Variants in PITPNM2 observed in about 807,000 individuals in gnomAD.
The protein encoded by PITPNM2 is membrane-associated phosphatidylinositol transfer protein 2.
Under a neutral mutation model 132.2 loss-of-function variants are expected in PITPNM2, and 35 were observed. The ratio of observed to expected loss-of-function variants is 0.26; its 90% CI spans 0.20 to 0.35. The LOEUF (loss-of-function observed/expected upper bound fraction) is 0.35, where lower values mean the gene tolerates loss of function less well. Ranked by LOEUF, PITPNM2 falls within the 10% of genes least tolerant of loss-of-function variation. The pLI is 1.00. For missense variants in PITPNM2, 1,332 were observed against 1,912.0 expected (o/e 0.70, Z 5.66); for synonymous variants, 738 against 799.2 (o/e 0.92, Z 1.29).
At chr12:123,024,365 G>A (rs2039778940) in intron 3 of PITPNM2, among the ~76,000 whole-genome samples, 1 of 152,110 alleles carries the variant, frequency 6.6e-6, no homozygotes, top group Non-Finnish European at 1.5e-5. Flanking sequence ...ACAGTTTGGC[G>A]GTTCCTCAAA....
intron 1 of PITPNM2, among the ~76,000 whole-genome samples, chr12:123,122,938 A>T (rs1266039250): frequency 1.3e-5 from 2 of 152,240 alleles, no homozygotes; most frequent in Non-Finnish European, 2.9e-5. Flanking sequence ...GTGGGAGTGT[A>T]AATTGGTACT....
intron 3 of PITPNM2, among the ~76,000 whole-genome samples, chr12:123,028,479 G>A (rs1314786916): frequency 6.6e-6 from 1 of 152,210 alleles, no homozygotes; most frequent in Non-Finnish European, 1.5e-5. Context: ...TCCATCTTGG[G>A]AGGCCAGTGC....
At chr12:123,069,121 AT>A (rs758263418) in intron 2 of PITPNM2, among the ~76,000 whole-genome samples, 5 of 151,788 alleles carry the variant, frequency 3.3e-5, no homozygotes, top group Admixed American at 1.3e-4. Flanking sequence ...GAAGTGGTGG[AT>A]TGTGCCTGTA....
At chr12:123,006,964 A>G (rs1282787759) in intron 6 of PITPNM2, among the ~76,000 whole-genome samples, 1 of 152,150 alleles carries the variant, frequency 6.6e-6, no homozygotes, top group African/African-American at 2.4e-5. Context: ...CTGTTTAAAA[A>G]ACATTAAAAA....
intron 2 of PITPNM2, among the ~76,000 whole-genome samples, chr12:123,055,533 A>G (rs1260304892): frequency 6.6e-6 from 1 of 152,226 alleles, no homozygotes; most frequent in Non-Finnish European, 1.5e-5. Context: ...GAACTAAAAT[A>G]AAACCCAACT....
At chr12:123,098,946 C>T (rs1226941385) in intron 2 of PITPNM2, among the ~76,000 whole-genome samples, 1 of 152,196 alleles carries the variant, frequency 6.6e-6, no homozygotes, top group East Asian at 1.9e-4. Context: ...TCCCCCTTTA[C>T]TCCTGATAAA....
At chr12:123,057,410 AAAAC>A (rs1287657587) in intron 2 of PITPNM2, among the ~76,000 whole-genome samples, 4 of 152,018 alleles carry the variant, frequency 2.6e-5, no homozygotes, top group African/African-American at 9.7e-5. Flanking sequence ...TTTAAATTCA[AAAAC>A]AAACAAAAAG....
At chr12:123,062,651 G>A (rs180726780) in intron 2 of PITPNM2, among the ~76,000 whole-genome samples, 2 of 152,282 alleles carry the variant, frequency 1.3e-5, no homozygotes, top group Admixed American at 1.3e-4. Flanking sequence ...TGAACTCTCT[G>A]CAGTGAAAGA....
At chr12:123,086,799 G>A in intron 2 of PITPNM2, among the ~76,000 whole-genome samples, 1 of 152,310 alleles carries the variant, frequency 6.6e-6, no homozygotes. Context: ...AGAGTCTCTG[G>A]CGTGCAGAGG....
rs551145093 is a variant in PITPNM2, at chr12:123,004,263, G to T, written c.1048+131C>A. ...AGGCTGTCCACCTGGGACAGTGCAG[G>T]TATAGGGACTGGATATAGAATAGTA... On this transcript the variant is annotated intron_variant, in intron 8 of 25. Transcript: ENST00000320201. The surrounding 1 kb of genome is among the most constrained non-coding windows in gnomAD (Gnocchi z 4.9). 2 of 802,558 alleles carry T rather than the reference G, an allele frequency of 2.5e-6. No individual in the cohort carries two copies. Among genetic ancestry groups the T allele is most frequent in the Middle Eastern group, 2.8e-4 (1 of 3,570 alleles). 49.7% of individuals were successfully genotyped at this position (802,558 alleles called of 1,614,324 possible).
Position 123,013,750 on chromosome 12 carries a change from T to C in PITPNM2, c.293+78A>G, listed in dbSNP as rs553310105. Reference sequence around the variant, plus strand: ...CTGCTTGAAGGCTGATCCCATCCCCTGGATCTATGCCACAAGATTGCTTCC... The same window carrying C: ...CTGCTTGAAGGCTGATCCCATCCCCCGGATCTATGCCACAAGATTGCTTCC... On this transcript the variant is annotated intron_variant, in intron 4 of 25. Transcript: ENST00000320201. 85 of 1,473,498 alleles carry C rather than the reference T, an allele frequency of 5.8e-5. 1 individual carries two copies. The South Asian group carries it at 9.4e-4, about 16-fold the overall frequency. The allele number at this position is 1,473,498 out of a possible 1,614,324, so 91.3% of individuals were successfully genotyped here. A position where few individuals can be genotyped will look rare whatever the true frequency, so the allele number is the denominator to read the frequency against.
rs2038051745 is a variant in PITPNM2, at chr12:122,988,798, T to C, written c.2806A>G (p.Thr936Ala). The change falls in exon 19 of 26, where the codon ACG becomes GCG. Residue 936 changes from threonine (T) to alanine (A), a missense_variant. Physicochemically the swap from Thr to Ala is moderately conservative, Grantham distance 58. This residue lies in a region of PITPNM2 where 251 missense variants were observed against 472.0 expected (regional missense o/e 0.53). Coordinates refer to ENST00000320201, the MANE Select transcript of PITPNM2 (RefSeq NM_020845.3). ...YCPDALTAFP[T>A]VALPHLFHAS... ...TGGAAGAGGTGAGGCAGAGCCACCG[T>C]GGGGAAGGCCGTGAGGGCGTCAGGG... 6.9e-6 allele frequency: 11 copies of C among 1,585,204 alleles called. No individual in the cohort carries two copies. Among genetic ancestry groups the C allele is most frequent in the Non-Finnish European group, 8.6e-6 (10 of 1,165,848 alleles).
chr12:123,003,863 C>T (rs560815832), intron 8 of PITPNM2, among the ~76,000 whole-genome samples: 46 of 152,340 alleles, frequency 3.0e-4, no homozygotes, highest in Admixed American at 7.8e-4. Flanking sequence ...TGTATGCATG[C>T]CTCTTCCTGG....
intron 1 of PITPNM2, among the ~76,000 whole-genome samples, chr12:123,134,137 C>T (rs2043326147): frequency 6.6e-6 from 1 of 152,142 alleles, no homozygotes; most frequent in South Asian, 2.1e-4. Context: ...GTGATCTTGG[C>T]TCACTGCAAC....
Position 122,986,745 on chromosome 12 carries a change from G to A in PITPNM2, c.3498C>T (p.Ala1166=), listed in dbSNP as rs1231974207. Residue 1166 remains alanine (A), a synonymous_variant, in exon 24 of 26, where the codon GCC becomes GCT. Coordinates refer to ENST00000320201, the MANE Select transcript of PITPNM2 (RefSeq NM_020845.3). ...CCACGCCATGGGGGAAGTTGTGCTG[G>A]GCCAGCCACGCCACCACCCGCTGCT... is the stretch of plus-strand genomic sequence containing the variant. ...MQKQRVVAWL[A]QHNFPHGVVS... is the part of the protein sequence containing the mutation. 1 of 1,613,528 alleles carries A rather than the reference G, an allele frequency of 6.2e-7. No homozygotes were observed. The highest frequency in any genetic ancestry group is 1.7e-5 in the Admixed American group (1 of 60,022).
In PITPNM2 at chr12:123,005,381, C is replaced by T. The variant is rs138122520; in HGVS notation, c.811G>A (p.Val271Ile). The T allele has an allele frequency of 5.9e-5, 95 of 1,614,078 alleles. No individual in the cohort carries two copies. Among genetic ancestry groups the T allele is most frequent in the Non-Finnish European group, 8.0e-5 (94 of 1,180,042 alleles). The change falls in exon 7 of 26, where the codon GTC (valine) becomes ATC (isoleucine). Residue 271 changes from valine (V) to isoleucine (I), a missense_variant. Transcript: ENST00000320201. The surrounding 1 kb of genome is among the most constrained non-coding windows in gnomAD (Gnocchi z 6.2). Reference protein sequence around the residue: ...NEDGEEATELVKHEAVSDQTS... With the variant: ...NEDGEEATELIKHEAVSDQTS... Reference sequence around the variant, plus strand: ...TGGTCCGAGACGGCTTCGTGCTTGACGAGCTCAGTGGCCTCCTCACCATCC... The same window carrying T: ...TGGTCCGAGACGGCTTCGTGCTTGATGAGCTCAGTGGCCTCCTCACCATCC...
chr12:123,090,923 T>A (rs1028011596), intron 2 of PITPNM2: 2 of 152,314 alleles, frequency 1.3e-5, no homozygotes, highest in East Asian at 3.8e-4. Flanking sequence ...CAGACATAGG[T>A]TCCTGCGTAC....
At chr12:123,018,995 G>T (rs2039563001) in intron 3 of PITPNM2, among the ~76,000 whole-genome samples, 1 of 150,964 alleles carries the variant, frequency 6.6e-6, no homozygotes, top group South Asian at 2.1e-4. Flanking sequence ...TGTTGGCCAG[G>T]CTGATCTCAA....
chr12:123,143,575 G>A lies in PITPNM2; in HGVS notation c.-200+7178C>T, dbSNP rs544286050. On this transcript the variant is annotated intron_variant, in intron 1 of 25. Transcript: ENST00000320201. ...AGAAGGCCACAATTTGAGGCATGGG[G>A]GCCCCAGGAACCCCCCATCTTGGCC... 2.0e-5 allele frequency among the ~76,000 whole-genome samples: 3 copies of A among 152,296 alleles called. 1 individual carries two copies. The South Asian group carries it at 6.2e-4, about 32-fold the overall frequency.
Sources: allele counts gnomAD v4.1 joint callset (sites outside exome capture counted in the v4.1 genomes callset), GRCh38; gene constraint gnomAD v4.1.1; regional missense constraint gnomAD v4.1.1; non-coding constraint Gnocchi (gnomAD v3.1); transcripts MANE v1.5; gene names NCBI Gene and HGNC (gene_info 2026-07-23, HGNC 2026-07-21).